ST6GALNAC3: variants seen among roughly 807,000 people sequenced by gnomAD.
ST6GALNAC3 encodes the protein alpha-N-acetylgalactosaminide alpha-2,6-sialyltransferase 3.
A neutral mutation model predicts 32.7 loss-of-function variants in ST6GALNAC3; 25 were observed. The ratio of observed to expected loss-of-function variants is 0.76; its 90% confidence interval spans 0.56 to 1.07. The LOEUF (loss-of-function observed/expected upper bound fraction) is 1.07, where lower values mean the gene tolerates loss of function less well. Ranked by LOEUF, ST6GALNAC3 falls within the 50% of genes least tolerant of loss-of-function variation. ST6GALNAC3 has a pLI of 0.00. For missense variants in ST6GALNAC3, 355 were observed against 382.4 expected (o/e 0.93, Z 0.60); for synonymous variants, 129 against 133.1 (o/e 0.97, Z 0.21).
intron 3 of ST6GALNAC3, among the ~76,000 whole-genome samples, chr1:76,579,729 C>T (rs1193765215): frequency 6.6e-6 from 1 of 152,010 alleles, no homozygotes; most frequent in Non-Finnish European, 1.5e-5. Context: ...CACGATATAG[C>T]TTAATATGTT....
At chr1:76,471,033 A>G (rs962024421) in intron 3 of ST6GALNAC3, among the ~76,000 whole-genome samples, 2 of 152,060 alleles carry the variant, frequency 1.3e-5, no homozygotes, top group Non-Finnish European at 2.9e-5. Context: ...TTCTTACGTC[A>G]TATTTCTAAT....
At chr1:76,299,193 A>G (rs1660584316) in intron 1 of ST6GALNAC3, among the ~76,000 whole-genome samples, 1 of 152,198 alleles carries the variant, frequency 6.6e-6, no homozygotes, top group South Asian at 2.1e-4. Flanking sequence ...ATTGGTGGCT[A>G]GGTGCTGAAG....
intron 3 of ST6GALNAC3, among the ~76,000 whole-genome samples, chr1:76,415,308 C>A (rs1654545489): frequency 6.7e-6 from 1 of 149,906 alleles, no homozygotes; most frequent in Admixed American, 6.7e-5. Flanking sequence ...ATTAGGATTG[C>A]ACAATGGTGC....
Position 76,102,696 on chromosome 1 carries a change from TTTACTTCTA to T in ST6GALNAC3, c.18+27814_18+27822del, listed in dbSNP as rs539675089. ...TGACTTCTGTGTCATTGTTATGTAT[TTTACTTCTA>T]TACCTTTCAGATGCCCAAGACATTA... On this transcript the variant is annotated intron_variant, in intron 1 of 4. Coordinates refer to ENST00000328299, the MANE Select transcript of ST6GALNAC3 (RefSeq NM_152996.4). Among the ~76,000 whole-genome samples, 79 of 152,244 alleles carry T rather than the reference TTTACTTCTA, an allele frequency of 5.2e-4. 2 individuals carry two copies. In the East Asian group the frequency reaches 0.012, roughly 24 times the overall value.
chr1:76,317,625 A>T (rs1239537785), intron 2 of ST6GALNAC3, among the ~76,000 whole-genome samples: 1 of 152,060 alleles, frequency 6.6e-6, no homozygotes, highest in Non-Finnish European at 1.5e-5. Context: ...AAATTACTAA[A>T]CTTCTTAGTA....
At chr1:76,604,139 A>T (rs1647377118) in intron 3 of ST6GALNAC3, among the ~76,000 whole-genome samples, 1 of 152,180 alleles carries the variant, frequency 6.6e-6, no homozygotes, top group Admixed American at 6.5e-5. Context: ...TTAGTGTTTC[A>T]TTTTTAATAG....
intron 1 of ST6GALNAC3, among the ~76,000 whole-genome samples, chr1:76,220,044 T>C (rs1256008516): frequency 6.6e-6 from 1 of 152,198 alleles, no homozygotes; most frequent in Non-Finnish European, 1.5e-5. Context: ...AAATGTGTAA[T>C]GGCAAACTCA....
chr1:76,495,674 A>G (rs1175543476), intron 3 of ST6GALNAC3, among the ~76,000 whole-genome samples: 2 of 152,120 alleles, frequency 1.3e-5, no homozygotes, highest in Non-Finnish European at 2.9e-5. Flanking sequence ...ATCTCACAGT[A>G]CTTTGTGAAG....
intron 1 of ST6GALNAC3, among the ~76,000 whole-genome samples, chr1:76,195,239 C>A (rs755001630): frequency 2.3e-4 from 35 of 152,168 alleles, no homozygotes; most frequent in Non-Finnish European, 4.6e-4. Flanking sequence ...TGCCAACTGC[C>A]CACATATAAA....
chr1:76,540,354 TGG>T, intron 3 of ST6GALNAC3, among the ~76,000 whole-genome samples: 1 of 151,892 alleles, frequency 6.6e-6, no homozygotes, highest in East Asian at 1.9e-4. Context: ...TAGGGCCTGT[TGG>T]GGAGTGGGGG....
chr1:76,313,854 T>C lies in ST6GALNAC3; in HGVS notation c.68T>C (p.Leu23Pro). ...VSFIAAFLFL[L>P]VVRLVNEVNF... ...TTCATAGCAGCGTTCCTTTTCCTGC[T>C]GGTTGTGCGTCTTGTAAATGAAGTG... The change falls in exon 2 of 5, where the codon CTG becomes CCG. Residue 23 changes from leucine to proline, a missense_variant. Physicochemically the swap from Leu to Pro is moderately conservative, Grantham distance 98. Coordinates refer to ENST00000328299, the MANE Select transcript of ST6GALNAC3 (RefSeq NM_152996.4). 6.2e-7 allele frequency: 1 copy of C among 1,613,706 alleles called. No individual in the cohort carries two copies. Among genetic ancestry groups the C allele is most frequent in the Non-Finnish European group, 8.5e-7 (1 of 1,179,740 alleles).
At chr1:76,125,848 T>C (rs1649204479) in intron 1 of ST6GALNAC3, among the ~76,000 whole-genome samples, 1 of 152,234 alleles carries the variant, frequency 6.6e-6, no homozygotes, top group African/African-American at 2.4e-5. Flanking sequence ...CCATTTATGT[T>C]CATGCTAAAG....
intron 1 of ST6GALNAC3, among the ~76,000 whole-genome samples, chr1:76,130,386 C>T (rs978342452): frequency 6.6e-6 from 1 of 152,182 alleles, no homozygotes; most frequent in Non-Finnish European, 1.5e-5. Context: ...AAGAATGGCT[C>T]TCCATGGGGT....
intron 3 of ST6GALNAC3, among the ~76,000 whole-genome samples, chr1:76,476,099 T>C (rs1659338703): frequency 6.6e-6 from 1 of 152,188 alleles, no homozygotes; most frequent in South Asian, 2.1e-4. Context: ...CAGTCTATCA[T>C]TGATGGGCAT....
intron 1 of ST6GALNAC3, among the ~76,000 whole-genome samples, chr1:76,116,174 CT>C (rs904920638): frequency 2.0e-5 from 3 of 151,710 alleles, no homozygotes; most frequent in Admixed American, 2.0e-4. Context: ...TGCAAAGGCA[CT>C]GGAGTAAAAA....
At chr1:76,135,889 A>G (rs558377943) in intron 1 of ST6GALNAC3, among the ~76,000 whole-genome samples, 1 of 152,288 alleles carries the variant, frequency 6.6e-6, no homozygotes, top group Non-Finnish European at 1.5e-5. Flanking sequence ...GTTGTGGGTA[A>G]GGAGCCCCAC....
intron 3 of ST6GALNAC3, among the ~76,000 whole-genome samples, chr1:76,520,782 C>A (rs969652792): frequency 1.3e-5 from 2 of 152,106 alleles, no homozygotes; most frequent in Non-Finnish European, 2.9e-5. Context: ...TGACTAATAT[C>A]AATATAGCCA....
chr1:76,125,108 T>C (rs1649156220), intron 1 of ST6GALNAC3, among the ~76,000 whole-genome samples: 1 of 152,230 alleles, frequency 6.6e-6, no homozygotes, highest in Non-Finnish European at 1.5e-5. Context: ...TAAAGTTTCC[T>C]ATGTGGCATG....
chr1:76,427,054 T>C (rs1277089828), intron 3 of ST6GALNAC3, among the ~76,000 whole-genome samples: 1 of 152,102 alleles, frequency 6.6e-6, no homozygotes, highest in African/African-American at 2.4e-5. Flanking sequence ...TGGAATTTCA[T>C]GCATAGCTCA....
Sources: allele counts gnomAD v4.1 joint callset (sites outside exome capture counted in the v4.1 genomes callset), GRCh38; gene constraint gnomAD v4.1.1; transcripts MANE v1.5; gene names NCBI Gene and HGNC (gene_info 2026-07-23, HGNC 2026-07-21).